The following LOC122539214 variants were observed in gnomAD, a reference collection of about 807,000 sequenced individuals.
the LOC122539214 span, among the ~76,000 whole-genome samples, chr19:52,672,185 G>A: frequency 6.6e-6 from 1 of 152,122 alleles, no homozygotes; most frequent in African/African-American, 2.4e-5. Flanking sequence ...AGTGAGCAAA[G>A]ATCTCACCAC....
the LOC122539214 span, among the ~76,000 whole-genome samples, chr19:52,682,697 AAAAGAAAAAGAAAAAG>A: frequency 4.0e-5 from 3 of 74,328 alleles, no homozygotes; most frequent in Non-Finnish European, 8.5e-5. Flanking sequence ...AAGAAAAAGA[AAAAGAAAAAGAAAAAG>A]AAAAGATGTA....
the LOC122539214 span, among the ~76,000 whole-genome samples, chr19:52,666,924 T>C: frequency 6.6e-6 from 1 of 152,078 alleles, no homozygotes; most frequent in East Asian, 1.9e-4. Context: ...GTTAGGAAAA[T>C]TGCCTAATAA....
chr19:52,659,490 G>A, the LOC122539214 span, among the ~76,000 whole-genome samples: 1,016 of 151,902 alleles, frequency 6.7e-3, 11 homozygotes, highest in African/African-American at 0.022. Flanking sequence ...CTAGCAAAAC[G>A]GAATTATCTG....
At chr19:52,678,510 A>T in the LOC122539214 span, among the ~76,000 whole-genome samples, 1 of 151,912 alleles carries the variant, frequency 6.6e-6, no homozygotes, top group Admixed American at 6.6e-5. Context: ...TTCTTATGTA[A>T]AAACAAGGGT....
chr19:52,688,337 ATT>A, the LOC122539214 span, among the ~76,000 whole-genome samples: 10 of 139,548 alleles, frequency 7.2e-5, no homozygotes, highest in Admixed American at 7.3e-5. Flanking sequence ...TACCCGATTA[ATT>A]TTTTTTTTTT....
chr19:52,676,501 T>TGGG, the LOC122539214 span, among the ~76,000 whole-genome samples: 1 of 148,176 alleles, frequency 6.7e-6, no homozygotes, highest in Non-Finnish European at 1.5e-5. Flanking sequence ...GGGAGGGAGG[T>TGGG]GGGGGGCAGC....
the LOC122539214 span, chr19:52,655,771 G>A: frequency 6.0e-6 from 4 of 662,676 alleles, no homozygotes; most frequent in Non-Finnish European, 1.1e-5. Context: ...AATAAGTATT[G>A]ATTTGATCCA....
the LOC122539214 span, among the ~76,000 whole-genome samples, chr19:52,661,540 A>T: frequency 6.6e-6 from 1 of 152,202 alleles, no homozygotes; most frequent in Non-Finnish European, 1.5e-5. Flanking sequence ...CCATCGTATT[A>T]TTGAGGGTGT....
At chr19:52,656,962 G>A in the LOC122539214 span, among the ~76,000 whole-genome samples, 1 of 151,886 alleles carries the variant, frequency 6.6e-6, no homozygotes, top group Non-Finnish European at 1.5e-5. Flanking sequence ...AACTTCAGTC[G>A]GGACATTATA....
At chr19:52,677,306 TAAAAAAAAAAAAA>T in the LOC122539214 span, among the ~76,000 whole-genome samples, 1 of 106,464 alleles carries the variant, frequency 9.4e-6, no homozygotes, top group African/African-American at 3.2e-5. Context: ...AATTGAGAAG[TAAAAAAAAAAAAA>T]AAAAAAAAAA....
the LOC122539214 span, among the ~76,000 whole-genome samples, chr19:52,681,220 CTGCAGTGAGT>C: frequency 7.4e-6 from 1 of 134,474 alleles, no homozygotes; most frequent in African/African-American, 2.8e-5. Flanking sequence ...GAGACGGAGG[CTGCAGTGAGT>C]TGAGATCACA....
At chr19:52,661,132 T>C in the LOC122539214 span, among the ~76,000 whole-genome samples, 109,780 of 151,876 alleles carry the variant, frequency 0.72, 39,793 homozygotes, top group Admixed American at 0.79. Context: ...CAAAGAGCTA[T>C]GATTACAGGG....
chr19:52,684,414 T>C, the LOC122539214 span, among the ~76,000 whole-genome samples: 5 of 151,728 alleles, frequency 3.3e-5, no homozygotes, highest in Non-Finnish European at 7.4e-5. Context: ...CCAGGTGTGG[T>C]GGCACACCCC....
At chr19:52,668,351 C>A in the LOC122539214 span, among the ~76,000 whole-genome samples, 1 of 152,154 alleles carries the variant, frequency 6.6e-6, no homozygotes, top group Non-Finnish European at 1.5e-5. Context: ...CTGGATCAAG[C>A]CCTACCAAAT....
chr19:52,687,616 G>GTATATATATATATAATGTATATATATA, the LOC122539214 span, among the ~76,000 whole-genome samples: 33 of 15,820 alleles, frequency 2.1e-3, 3 homozygotes, highest in South Asian at 8.9e-3. Flanking sequence ...TATATAATGT[G>GTATATATATATATAATGTATATATATA]TATATATATA....
At chr19:52,684,400 T>C in the LOC122539214 span, among the ~76,000 whole-genome samples, 1 of 151,182 alleles carries the variant, frequency 6.6e-6, no homozygotes, top group East Asian at 1.9e-4. Context: ...AATACAAAAA[T>C]TAACCAGGTG....
chr19:52,684,079 C>A, the LOC122539214 span, among the ~76,000 whole-genome samples: 1 of 151,986 alleles, frequency 6.6e-6, no homozygotes, highest in Non-Finnish European at 1.5e-5. Flanking sequence ...ACTAAAAATA[C>A]AAAAATTGAG....
the LOC122539214 span, chr19:52,653,243 C>T: frequency 1.3e-6 from 2 of 1,531,258 alleles, no homozygotes; most frequent in Admixed American, 1.7e-5. Flanking sequence ...GGTTTCTCTC[C>T]AGTATGAAGC....
At chr19:52,684,063 G>C in the LOC122539214 span, among the ~76,000 whole-genome samples, 3 of 152,034 alleles carry the variant, frequency 2.0e-5, no homozygotes, top group Admixed American at 1.3e-4. Flanking sequence ...GTGAAACCCT[G>C]TCTCTACTAA....
Sources: gnomAD v4.1 joint callset for allele counts (sites outside exome capture counted in the v4.1 genomes callset) on GRCh38, gnomAD v4.1.1 for gene constraint, MANE v1.5 for transcripts.